The following CHLSN variants were observed in gnomAD, a reference collection of about 807,000 sequenced individuals.
The protein encoded by CHLSN is protein cholesin.
At chr7:991,966 G>A in the CHLSN span, among the ~76,000 whole-genome samples, 1 of 152,160 alleles carries the variant, frequency 6.6e-6, no homozygotes. Context: ...CCTGCCAATG[G>A]GTCCTTTTCA....
At chr7:1,074,662 C>A in the CHLSN span, 1 of 152,290 alleles carries the variant, frequency 6.6e-6, no homozygotes, top group Non-Finnish European at 1.5e-5. Flanking sequence ...CCTGCAAATC[C>A]CTAAGGCGTC....
the CHLSN span, among the ~76,000 whole-genome samples, chr7:998,058 A>T: frequency 2.6e-5 from 4 of 152,254 alleles, no homozygotes; most frequent in African/African-American, 7.2e-5. Context: ...TTTCACAAAC[A>T]TCGTAAAAAT....
the CHLSN span, among the ~76,000 whole-genome samples, chr7:1,109,032 A>G: frequency 6.6e-6 from 1 of 151,882 alleles, no homozygotes; most frequent in African/African-American, 2.4e-5. Flanking sequence ...AGTAGCTGGG[A>G]TCACAGGCGC....
At chr7:1,071,864 A>T in the CHLSN span, among the ~76,000 whole-genome samples, 1 of 152,198 alleles carries the variant, frequency 6.6e-6, no homozygotes, top group Non-Finnish European at 1.5e-5. Context: ...CCAGCCTAGG[A>T]CACCTTAGAA....
chr7:1,035,356 T>C, the CHLSN span, among the ~76,000 whole-genome samples: 1 of 152,384 alleles, frequency 6.6e-6, no homozygotes, highest in African/African-American at 2.4e-5. Flanking sequence ...GGTGGAAAGA[T>C]TTATATTCCT....
At chr7:1,121,677 G>A in the CHLSN span, among the ~76,000 whole-genome samples, 3,672 of 152,336 alleles carry the variant, frequency 0.024, 51 homozygotes, top group Non-Finnish European at 0.029. Flanking sequence ...ACAGCCAGGC[G>A]GTCACGCCAG....
chr7:1,061,922 C>G, the CHLSN span, among the ~76,000 whole-genome samples: 1 of 152,034 alleles, frequency 6.6e-6, no homozygotes, highest in South Asian at 2.1e-4. Context: ...CCCAATTCTT[C>G]CAAGCAGCCG....
chr7:1,138,144 G>A, the CHLSN span: 7 of 151,640 alleles, frequency 4.6e-5, no homozygotes, highest in Admixed American at 2.6e-4. Flanking sequence ...GGGTCTCCTG[G>A]CGCCCTGACC....
At chr7:1,016,924 A>ACACACCAGCG in the CHLSN span, among the ~76,000 whole-genome samples, 1 of 95,602 alleles carries the variant, frequency 1.0e-5, no homozygotes, top group African/African-American at 4.5e-5. Flanking sequence ...GCACAGCAGC[A>ACACACCAGCG]CACAGCAGCA....
the CHLSN span, among the ~76,000 whole-genome samples, chr7:983,908 G>C: frequency 6.6e-6 from 1 of 152,230 alleles, no homozygotes; most frequent in African/African-American, 2.4e-5. Flanking sequence ...CTGTCGCTCT[G>C]TCCTCGCTCA....
the CHLSN span, among the ~76,000 whole-genome samples, chr7:1,064,433 T>C: frequency 4.0e-5 from 6 of 151,640 alleles, no homozygotes; most frequent in African/African-American, 1.5e-4. Flanking sequence ...GCAGGAGACA[T>C]GGAAGGTGAG....
the CHLSN span, among the ~76,000 whole-genome samples, chr7:1,134,525 C>T: frequency 1.3e-5 from 2 of 151,106 alleles, no homozygotes; most frequent in Non-Finnish European, 2.9e-5. Flanking sequence ...GCCGAGATCG[C>T]GCCACTGCAC....
chr7:1,070,344 G>A, the CHLSN span, among the ~76,000 whole-genome samples: 2,830 of 139,800 alleles, frequency 0.02, 133 homozygotes, highest in African/African-American at 0.065. Flanking sequence ...CGTGCCGTCC[G>A]GGAGGGAGGT....
chr7:1,127,716 C>G, the CHLSN span, among the ~76,000 whole-genome samples: 1 of 44,780 alleles, frequency 2.2e-5, no homozygotes, highest in South Asian at 1.1e-3. Context: ...CGGCTGATCC[C>G]ACCGTCACCC....
At chr7:988,488 G>T in the CHLSN span, 2 of 1,601,308 alleles carry the variant, frequency 1.2e-6, no homozygotes, top group Non-Finnish European at 1.7e-6. Flanking sequence ...CCCCAGCTCC[G>T]CCTGCCGCCT....
At chr7:1,023,658 CA>C in the CHLSN span, among the ~76,000 whole-genome samples, 37 of 120,170 alleles carry the variant, frequency 3.1e-4, no homozygotes, top group Middle Eastern at 0.011. This position sits in a 1 kb window ranked among gnomAD's most constrained non-coding sequence, Gnocchi z 5.0. Flanking sequence ...CACACACACA[CA>C]CACACACACA....
At chr7:1,078,976 C>T in the CHLSN span, among the ~76,000 whole-genome samples, 3 of 71,476 alleles carry the variant, frequency 4.2e-5, no homozygotes, top group African/African-American at 1.0e-4. Context: ...GAGGAGGCAG[C>T]GAGGCAGCGG....
chr7:1,123,953 T>A, the CHLSN span, among the ~76,000 whole-genome samples: 2 of 150,936 alleles, frequency 1.3e-5, no homozygotes, highest in Non-Finnish European at 2.9e-5. This position sits in a 1 kb window ranked among gnomAD's most constrained non-coding sequence, Gnocchi z 4.4. Flanking sequence ...CAGCTCCAGG[T>A]CGCTTCCCAA....
chr7:1,055,367 AGCGCAGCAGC>A, the CHLSN span: 2 of 470,690 alleles, frequency 4.2e-6, no homozygotes, highest in Admixed American at 2.3e-5. Flanking sequence ...TTTGCAGAGA[AGCGCAGCAGC>A]GCGCAGGTCC....
Sources: allele counts gnomAD v4.1 joint callset (sites outside exome capture counted in the v4.1 genomes callset), GRCh38; gene constraint gnomAD v4.1.1; non-coding constraint Gnocchi (gnomAD v3.1); transcripts MANE v1.5; gene names NCBI Gene and HGNC (gene_info 2026-07-23, HGNC 2026-07-21).